OR51A7: variants seen among roughly 807,000 people sequenced by gnomAD.
OR51A7 encodes the protein olfactory receptor family 51 subfamily A member 7.
For synonymous variants in OR51A7, 143 were observed against 135.5 expected (o/e 1.05, Z -0.38); for missense variants, 409 against 374.5 (o/e 1.09, Z -0.76).
At chr11:4,904,914 A>G (rs1850860106) in intron 1 of OR51A7, among the ~76,000 whole-genome samples, 1 of 152,108 alleles carries the variant, frequency 6.6e-6, no homozygotes, top group Non-Finnish European at 1.5e-5. Context: ...ATACCTTTTA[A>G]CATGGAGTAG....
intron 1 of OR51A7, 68 bp from the exon 2 acceptor site, chr11:4,907,271 A>G (rs1052978588): frequency 1.4e-6 from 1 of 721,948 alleles, no homozygotes; most frequent in Non-Finnish European, 2.3e-6. Flanking sequence ...TATACGAATG[A>G]ACCCCTTATC....
chr11:4,907,826 A>G lies in OR51A7; in HGVS notation c.457A>G (p.Ile153Val), dbSNP rs775184247. The G allele has an allele frequency of 8.7e-6, 14 of 1,613,766 alleles. No individual in the cohort carries two copies. Among genetic ancestry groups the G allele is most frequent in the Non-Finnish European group, 1.2e-5 (14 of 1,179,870 alleles). ...KMGLILAIRS[I>V]LLVIPFPFTL... ...GGGACTTATTTTAGCCATTAGGAGC[A>G]TTCTCTTAGTGATTCCATTTCCCTT... Residue 153 changes from isoleucine to valine, a missense_variant, in exon 2 of 2, where the codon ATT becomes GTT. Coordinates refer to ENST00000641490, the MANE Select transcript of OR51A7 (RefSeq NM_001004749.2).
intron 1 of OR51A7, among the ~76,000 whole-genome samples, chr11:4,906,301 A>G (rs1362296629): frequency 6.6e-6 from 1 of 152,240 alleles, no homozygotes; most frequent in East Asian, 1.9e-4. Context: ...TTTGTGGTTT[A>G]TGAACCTAGA....
In OR51A7 at chr11:4,908,333, T is replaced by C. The variant is rs1337842778; in HGVS notation, c.*25T>C. ...AGAACTTGAACAATTAGGTAATAAATTATCAACCAGTAGGCATTTACTGTC... is the reference window on the plus strand; with the variant it reads ...AGAACTTGAACAATTAGGTAATAAACTATCAACCAGTAGGCATTTACTGTC... On this transcript the variant is annotated 3_prime_UTR_variant, in exon 2 of 2. Transcript: ENST00000641490. 6.3e-7 allele frequency: 1 copy of C among 1,589,806 alleles called. No individual in the cohort carries two copies. The highest frequency in any genetic ancestry group is 8.6e-7 in the Non-Finnish European group (1 of 1,158,610).
chr11:4,908,042 C>G lies in OR51A7; in HGVS notation c.673C>G (p.Leu225Val). 1 of 1,614,146 alleles carries G rather than the reference C, an allele frequency of 6.2e-7. No homozygotes were observed. Among genetic ancestry groups the G allele is most frequent in the Non-Finnish European group, 8.5e-7 (1 of 1,179,984 alleles). ...TTATGTGCTGATCTTGAAGACTATA[C>G]TCAGCATTGCATCTTTGGCAGAGAG... is the stretch of plus-strand genomic sequence containing the variant. ...LSYVLILKTILSIASLAERLK... is the reference protein window; with the variant it reads ...LSYVLILKTIVSIASLAERLK... The change falls in exon 2 of 2, where the codon CTC becomes GTC. Residue 225 changes from leucine (L) to valine (V), a missense_variant. Coordinates refer to ENST00000641490, the MANE Select transcript of OR51A7 (RefSeq NM_001004749.2).
Position 4,908,194 on chromosome 11 carries a change from T to C in OR51A7, c.825T>C (p.Ile275=). ...KHKSPLVVIL[I]ADMFLLVPPL... ...AAAGCCCTCTTGTTGTGATCCTTAT[T>C]GCAGATATGTTCTTGTTGGTGCCGC... Residue 275 remains isoleucine, a synonymous_variant, in exon 2 of 2, where the codon ATT becomes ATC. Transcript: ENST00000641490. 6.2e-7 allele frequency: 1 copy of C among 1,614,214 alleles called. No homozygotes were observed. Among genetic ancestry groups the C allele is most frequent in the South Asian group, 1.1e-5 (1 of 91,082 alleles).
chr11:4,906,498 A>G (rs1431658695), intron 1 of OR51A7, among the ~76,000 whole-genome samples: 1 of 152,238 alleles, frequency 6.6e-6, no homozygotes, highest in Non-Finnish European at 1.5e-5. Context: ...ATATTTACTC[A>G]TGTATAAAAT....
At position 4,908,507 on chromosome 11, in the gene OR51A7, G is replaced by A. The variant is rs1195436225; in HGVS notation, c.*199G>A. 1.7e-6 allele frequency: 1 copy of A among 595,644 alleles called. No homozygotes were observed. The highest frequency in any genetic ancestry group is 3.0e-6 in the Non-Finnish European group (1 of 337,186). The allele number at this position is 595,644 out of a possible 1,614,324, so 36.9% of individuals were successfully genotyped here. The stretch of plus-strand genomic sequence containing the variant: ...GTCAAGAGATATATAAGATATAGAG[G>A]TTTAATTAACATTTTAAGGGAAGTT... On this transcript the variant is annotated 3_prime_UTR_variant, in exon 2 of 2. Coordinates refer to ENST00000641490, the MANE Select transcript of OR51A7 (RefSeq NM_001004749.2).
chr11:4,908,042 C>T lies in OR51A7; in HGVS notation c.673C>T (p.Leu225Phe), dbSNP rs1470079034. The change falls in exon 2 of 2, where the codon CTC becomes TTC. Residue 225 changes from leucine (L) to phenylalanine (F), a missense_variant. Leu to Phe is a conservative substitution (Grantham distance 22). Transcript: ENST00000641490. ...LSYVLILKTI[L>F]SIASLAERLK... is the part of the protein sequence containing the mutation. ...TTATGTGCTGATCTTGAAGACTATA[C>T]TCAGCATTGCATCTTTGGCAGAGAG... 3 of 1,614,028 alleles carry T rather than the reference C, an allele frequency of 1.9e-6. No individual in the cohort carries two copies.
In OR51A7 at chr11:4,907,932, C is replaced by T. The variant is rs1202502837; in HGVS notation, c.563C>T (p.Ala188Val). The change falls in exon 2 of 2, where the codon GCC becomes GTC. Residue 188 changes from alanine (A) to valine (V), a missense_variant. Ala to Val is a moderately conservative substitution (Grantham distance 64). Transcript: ENST00000641490. ...CTTCATCAGGATACCATGAAGCTGG[C>T]CTGCTCTGACAACAAGACCAATGTC... ...YCLHQDTMKL[A>V]CSDNKTNVIY... 2 of 1,613,912 alleles carry T rather than the reference C, an allele frequency of 1.2e-6. No individual in the cohort carries two copies. The highest frequency in any genetic ancestry group is 1.3e-5 in the African/African-American group (1 of 74,922).
intron 1 of OR51A7, among the ~76,000 whole-genome samples, chr11:4,906,570 A>G (rs1850892364): frequency 6.6e-6 from 1 of 152,200 alleles, no homozygotes; most frequent in African/African-American, 2.4e-5. Flanking sequence ...TATTTACTTT[A>G]TAGCATCTAA....
intron 1 of OR51A7, among the ~76,000 whole-genome samples, chr11:4,906,005 G>T (rs887485133): frequency 1.3e-5 from 2 of 151,928 alleles, no homozygotes; most frequent in African/African-American, 4.8e-5. Context: ...TAATTTCTCT[G>T]ACTAATTAAA....
At chr11:4,906,820 G>A (rs796794057) in intron 1 of OR51A7, among the ~76,000 whole-genome samples, 1 of 152,130 alleles carries the variant, frequency 6.6e-6, no homozygotes, top group Admixed American at 6.5e-5. Context: ...GCCAGATGCA[G>A]TGGCTCACAC....
chr11:4,905,793 C>T (rs76093317), intron 1 of OR51A7, among the ~76,000 whole-genome samples: 2 of 152,016 alleles, frequency 1.3e-5, no homozygotes, highest in East Asian at 3.8e-4. Context: ...ACCTTGAAGG[C>T]CAAAAACTTG....
Position 4,908,487 on chromosome 11 carries a change from G to A in OR51A7, c.*179G>A, listed in dbSNP as rs975465816. ...TGAACAGGATAGAAAAAAAAGTCAAGAGATATATAAGATATAGAGGTTTAA... is the reference window on the plus strand; with the variant it reads ...TGAACAGGATAGAAAAAAAAGTCAAAAGATATATAAGATATAGAGGTTTAA... On this transcript the variant is annotated 3_prime_UTR_variant, in exon 2 of 2. Transcript: ENST00000641490. 1.6e-6 allele frequency: 1 copy of A among 623,414 alleles called. No homozygotes were observed. Among genetic ancestry groups the A allele is most frequent in the South Asian group, 1.9e-5 (1 of 54,014 alleles). 38.6% of individuals were successfully genotyped at this position (623,414 alleles called of 1,614,324 possible).
At position 4,907,585 on chromosome 11, in the gene OR51A7, C is replaced by T. The variant is rs1330517994; in HGVS notation, c.216C>T (p.Gly72=). Residue 72 remains glycine, a synonymous_variant, in exon 2 of 2, where the codon GGC becomes GGT. Coordinates refer to ENST00000641490, the MANE Select transcript of OR51A7 (RefSeq NM_001004749.2). ...CCATGTTGGCTGTCTCTGACATGGG[C>T]CTGTCCCTCTCCTCCCTTCCTACCA... ...FLAMLAVSDM[G]LSLSSLPTML... The T allele has an allele frequency of 1.2e-6, 2 of 1,613,786 alleles. No homozygotes were observed. Among genetic ancestry groups the T allele is most frequent in the Non-Finnish European group, 1.7e-6 (2 of 1,179,724 alleles).
At chr11:4,904,959 T>A (rs1850860907) in intron 1 of OR51A7, among the ~76,000 whole-genome samples, 1 of 152,062 alleles carries the variant, frequency 6.6e-6, no homozygotes, top group Admixed American at 6.6e-5. Context: ...TTTGGTAGGG[T>A]AGGGTTACAT....
intron 1 of OR51A7, among the ~76,000 whole-genome samples, chr11:4,905,957 A>T (rs1190961994): frequency 6.6e-6 from 1 of 152,120 alleles, no homozygotes. Context: ...GATTTTTTTC[A>T]TTTAGCATTT....
At position 4,907,496 on chromosome 11, in the gene OR51A7, T is replaced by C; in HGVS notation, c.127T>C (p.Cys43Arg). The change falls in exon 2 of 2, where the codon TGC (cysteine) becomes CGC (arginine). Residue 43 changes from cysteine to arginine, a missense_variant. Cys to Arg is a radical substitution (Grantham distance 180). Coordinates refer to ENST00000641490, the MANE Select transcript of OR51A7 (RefSeq NM_001004749.2). ...GTACCTGCTTGCCATCATGGGCAAC[T>C]GCACCATTCTCTTTATTATAAAGAC... ...LMYLLAIMGNCTILFIIKTEP... is the reference protein window; with the variant it reads ...LMYLLAIMGNRTILFIIKTEP... 1 of 1,614,084 alleles carries C rather than the reference T, an allele frequency of 6.2e-7. No individual in the cohort carries two copies. The highest frequency in any genetic ancestry group is 8.5e-7 in the Non-Finnish European group (1 of 1,180,008).
Sources: gnomAD v4.1 joint callset for allele counts (sites outside exome capture counted in the v4.1 genomes callset) on GRCh38, gnomAD v4.1.1 for gene constraint, MANE v1.5 for transcripts, NCBI Gene and HGNC (gene_info 2026-07-23, HGNC 2026-07-21) for gene names.